The following RGS7 variants were observed in gnomAD, a reference collection of about 807,000 sequenced individuals.
The protein encoded by RGS7 is regulator of G-protein signaling 7.
RGS7 carries 27 observed loss-of-function variants against 81.1 expected under a neutral mutation model. The ratio of observed to expected loss-of-function variants is 0.33; its 90% CI spans 0.25 to 0.46. RGS7 has a LOEUF of 0.46. Ranked by LOEUF, RGS7 falls within the 20% of genes least tolerant of loss-of-function variation. The probability of loss-of-function intolerance (pLI) is 1.00; values close to 1 mark genes in which losing one functional copy is unlikely to be tolerated. For synonymous variants in RGS7, 208 were observed against 207.7 expected (o/e 1.00, Z -0.01); for missense variants, 396 against 607.4 (o/e 0.65, Z 3.66).
At chr1:241,072,868 G>A (rs114017068) in intron 3 of RGS7, among the ~76,000 whole-genome samples, 5,003 of 152,252 alleles carry the variant, frequency 0.033, 126 homozygotes, top group Middle Eastern at 0.095. Context: ...CCCAGGTCTT[G>A]CCACTGTCTG....
intron 9 of RGS7, among the ~76,000 whole-genome samples, chr1:240,864,384 T>A (rs929150457): frequency 6.6e-6 from 1 of 152,210 alleles, no homozygotes; most frequent in African/African-American, 2.4e-5. Flanking sequence ...CATTGGCAGA[T>A]GGCTCCAGGA....
intron 2 of RGS7, among the ~76,000 whole-genome samples, chr1:241,216,067 C>T (rs145716176): frequency 0.018 from 2,794 of 151,776 alleles, 46 homozygotes; most frequent in Non-Finnish European, 0.029. Flanking sequence ...GTTAGGAGAT[C>T]GAGACCATCC....
intron 9 of RGS7, among the ~76,000 whole-genome samples, chr1:240,866,486 G>T (rs1663283509): frequency 6.6e-6 from 1 of 151,542 alleles, no homozygotes; most frequent in African/African-American, 2.4e-5. Flanking sequence ...ACTCCAGCCT[G>T]GGCAACAGAG....
intron 4 of RGS7, among the ~76,000 whole-genome samples, chr1:240,941,099 T>G (rs1572878896): frequency 6.6e-6 from 1 of 152,238 alleles, no homozygotes; most frequent in Admixed American, 6.5e-5. Context: ...AAAATTTGTT[T>G]TGATACTTTT....
At chr1:241,101,793 C>T (rs2064760939) in intron 2 of RGS7, among the ~76,000 whole-genome samples, 1 of 152,150 alleles carries the variant, frequency 6.6e-6, no homozygotes, top group Non-Finnish European at 1.5e-5. Flanking sequence ...CGGTTTAAAG[C>T]AGGCTGGATT....
intron 5 of RGS7, among the ~76,000 whole-genome samples, chr1:240,933,062 TC>T (rs1333535603): frequency 4.7e-5 from 7 of 149,822 alleles, no homozygotes; most frequent in African/African-American, 1.2e-4. Context: ...TTTTGTATTT[TC>T]AGTAGAGACG....
chr1:241,072,150 C>A (rs28421338), intron 3 of RGS7, among the ~76,000 whole-genome samples: 2,670 of 152,112 alleles, frequency 0.018, 67 homozygotes, highest in African/African-American at 0.06. Flanking sequence ...ATGAGTTAAG[C>A]CAGGTGGAGG....
intron 2 of RGS7, among the ~76,000 whole-genome samples, chr1:241,148,404 C>T (rs1216396855): frequency 6.6e-6 from 1 of 152,200 alleles, no homozygotes; most frequent in East Asian, 1.9e-4. Context: ...TGAATTGGTT[C>T]TGCTGAAAAC....
chr1:240,975,887 A>G (rs1683994394), intron 4 of RGS7, among the ~76,000 whole-genome samples: 1 of 152,106 alleles, frequency 6.6e-6, no homozygotes, highest in Non-Finnish European at 1.5e-5. Flanking sequence ...AATGGCCCCA[A>G]TTTGCTCACA....
In RGS7 at chr1:241,197,971, A is replaced by G. The variant is rs756143003; in HGVS notation, c.79-99209T>C. Among the ~76,000 whole-genome samples the G allele has an allele frequency of 1.5e-4, 23 of 152,008 alleles. 1 individual carries two copies. Among genetic ancestry groups the G allele is most frequent in the Non-Finnish European group, 1.8e-4 (12 of 67,834 alleles). The stretch of plus-strand genomic sequence containing the variant: ...TATCTATCTATCTATCTGTCTACCT[A>G]CCTACCTACCTACCTAGTTTCAAAG... On this transcript the variant is annotated intron_variant, in intron 2 of 18. Transcript: ENST00000440928.
At chr1:241,127,474 T>C (rs2066744788) in intron 2 of RGS7, among the ~76,000 whole-genome samples, 2 of 152,006 alleles carry the variant, frequency 1.3e-5, no homozygotes, top group African/African-American at 2.4e-5. Context: ...TTCTCACTCA[T>C]AGGTGGGAAT....
chr1:241,223,933 G>C (rs2075160164), intron 2 of RGS7, among the ~76,000 whole-genome samples: 1 of 149,602 alleles, frequency 6.7e-6, no homozygotes, highest in Non-Finnish European at 1.5e-5. Flanking sequence ...CACAAGATAG[G>C]AATAAGTTAG....
At chr1:241,314,046 G>C (rs2080716174) in intron 2 of RGS7, among the ~76,000 whole-genome samples, 1 of 152,144 alleles carries the variant, frequency 6.6e-6, no homozygotes, top group Non-Finnish European at 1.5e-5. Context: ...TTTTTGAGAT[G>C]GAATCTACTC....
intron 4 of RGS7, among the ~76,000 whole-genome samples, chr1:240,960,266 C>G (rs376611171): frequency 1.7e-5 from 1 of 58,758 alleles, no homozygotes; most frequent in African/African-American, 7.0e-5. Flanking sequence ...TTTTTTGAGA[C>G]AGGGTCTTGC....
chr1:241,053,202 G>C (rs1358099598), intron 3 of RGS7, among the ~76,000 whole-genome samples: 1 of 152,110 alleles, frequency 6.6e-6, no homozygotes, highest in Non-Finnish European at 1.5e-5. Flanking sequence ...CTTGTTCTTA[G>C]ATGTCCCTCC....
intron 18 of RGS7, among the ~76,000 whole-genome samples, chr1:240,799,591 C>G (rs1687700965): frequency 6.6e-6 from 1 of 151,938 alleles, no homozygotes; most frequent in South Asian, 2.1e-4. Flanking sequence ...TTTTGGCTTC[C>G]CTAGGCCACA....
intron 3 of RGS7, among the ~76,000 whole-genome samples, chr1:241,088,828 A>G (rs1007463048): frequency 1.3e-4 from 20 of 151,404 alleles, no homozygotes; most frequent in Non-Finnish European, 1.9e-4. Flanking sequence ...TGGCTAACAC[A>G]GTGAAACCCC....
intron 5 of RGS7, among the ~76,000 whole-genome samples, chr1:240,933,711 C>T (rs1676106037): frequency 6.6e-6 from 1 of 151,920 alleles, no homozygotes; most frequent in African/African-American, 2.4e-5. Flanking sequence ...AACTGTTCAA[C>T]TGTTGTTCAA....
At chr1:241,219,508 T>C (rs2074771154) in intron 2 of RGS7, among the ~76,000 whole-genome samples, 1 of 152,142 alleles carries the variant, frequency 6.6e-6, no homozygotes, top group East Asian at 1.9e-4. Context: ...ACACAGAGCT[T>C]GCAGGGACCC....
Sources: allele counts gnomAD v4.1 joint callset (sites outside exome capture counted in the v4.1 genomes callset), GRCh38; gene constraint gnomAD v4.1.1; transcripts MANE v1.5; gene names NCBI Gene and HGNC (gene_info 2026-07-23, HGNC 2026-07-21).